The following LRRC37A2 variants were observed in gnomAD, a reference collection of about 807,000 sequenced individuals.
LRRC37A2 encodes the protein leucine rich repeat containing 37 member A2.
Under a neutral mutation model 68.8 loss-of-function variants are expected in LRRC37A2, and 9 were observed. The ratio of observed to expected loss-of-function variants is 0.13; its 90% CI spans 0.08 to 0.23. The LOEUF (loss-of-function observed/expected upper bound fraction) is 0.23, where lower values mean the gene tolerates loss of function less well. Among genes scored for constraint, LRRC37A2 ranks in the 10% least tolerant of loss-of-function variants. The pLI, the probability that LRRC37A2 is intolerant of heterozygous loss-of-function variation, is 1.00. For missense variants in LRRC37A2, 168 were observed against 950.4 expected, an observed-to-expected ratio of 0.18 and a Z score of 10.82; for synonymous variants, 63 against 367.6, an observed-to-expected ratio of 0.17 and a Z score of 9.48.
At chr17:46,723,308 A>C in the LRRC37A2 span, among the ~76,000 whole-genome samples, 1 of 152,210 alleles carries the variant, frequency 6.6e-6, no homozygotes, top group Non-Finnish European at 1.5e-5. Flanking sequence ...CTTTTAGTAG[A>C]ATTCTGAAAA....
chr17:46,785,878 T>C, the LRRC37A2 span, among the ~76,000 whole-genome samples: 1 of 152,146 alleles, frequency 6.6e-6, no homozygotes, highest in African/African-American at 2.4e-5. Flanking sequence ...GGCGGGGCAG[T>C]GCCTGGGCTG....
the LRRC37A2 span, among the ~76,000 whole-genome samples, chr17:47,002,096 G>A: frequency 2.6e-5 from 4 of 151,984 alleles, no homozygotes; most frequent in Non-Finnish European, 5.9e-5. Flanking sequence ...TTCTAGACAC[G>A]GAATCATACA....
the LRRC37A2 span, among the ~76,000 whole-genome samples, chr17:46,744,414 T>C: frequency 6.6e-6 from 1 of 152,234 alleles, no homozygotes; most frequent in Non-Finnish European, 1.5e-5. Context: ...GAGTTGCACT[T>C]TTAAACTCAC....
downstream of LRRC37A2, among the ~76,000 whole-genome samples, chr17:46,558,130 G>C (rs1312966263): frequency 7.9e-6 from 1 of 127,354 alleles, no homozygotes; most frequent in Admixed American, 7.8e-5. Context: ...CACGATCTCA[G>C]CTCACTGCAT....
chr17:46,709,881 G>A, the LRRC37A2 span, among the ~76,000 whole-genome samples: 1 of 152,094 alleles, frequency 6.6e-6, no homozygotes, highest in Non-Finnish European at 1.5e-5. Flanking sequence ...GCCATATCTA[G>A]GCCAAAGAAT....
At chr17:46,776,917 C>G in the LRRC37A2 span, among the ~76,000 whole-genome samples, 1 of 152,194 alleles carries the variant, frequency 6.6e-6, no homozygotes, top group East Asian at 1.9e-4. Context: ...TCCTTCCTCC[C>G]CCTCTCCCAG....
chr17:46,761,073 G>A, the LRRC37A2 span, among the ~76,000 whole-genome samples: 5 of 152,114 alleles, frequency 3.3e-5, no homozygotes, highest in East Asian at 3.8e-4. Context: ...ATAAAAAGTC[G>A]AAATGAAATA....
the LRRC37A2 span, among the ~76,000 whole-genome samples, chr17:46,788,008 C>A: frequency 6.6e-6 from 1 of 151,706 alleles, no homozygotes; most frequent in African/African-American, 2.4e-5. Flanking sequence ...GTGACCCCAC[C>A]TCAGTGCAGG....
chr17:46,858,320 A>G, the LRRC37A2 span, among the ~76,000 whole-genome samples: 5 of 152,202 alleles, frequency 3.3e-5, no homozygotes, highest in East Asian at 7.7e-4. Context: ...TTTCTTATTG[A>G]TGTCTTATGA....
At chr17:46,946,831 C>G in the LRRC37A2 span, among the ~76,000 whole-genome samples, 1 of 152,208 alleles carries the variant, frequency 6.6e-6, no homozygotes, top group Non-Finnish European at 1.5e-5. Flanking sequence ...CCACTGCACT[C>G]TAGCCTGGGT....
chr17:46,988,675 T>A, the LRRC37A2 span, among the ~76,000 whole-genome samples: 1 of 151,984 alleles, frequency 6.6e-6, no homozygotes, highest in Non-Finnish European at 1.5e-5. Context: ...GGGTTGAACA[T>A]GATGAGTCTG....
chr17:46,494,537 A>G, the LRRC37A2 span, among the ~76,000 whole-genome samples: 1 of 150,278 alleles, frequency 6.7e-6, no homozygotes, highest in East Asian at 1.9e-4. Context: ...AATTTCACAT[A>G]ATTTACAAAT....
At chr17:46,500,560 C>T in the LRRC37A2 span, among the ~76,000 whole-genome samples, 2 of 150,350 alleles carry the variant, frequency 1.3e-5, no homozygotes, top group Non-Finnish European at 2.9e-5. Context: ...ACTTTAATGA[C>T]CATAGAAATC....
In LRRC37A2 at chr17:46,550,772, A is replaced by ATATAAT. The variant is rs1369577509; in HGVS notation, c.4809+253_4809+254insTATAAT. Among the ~76,000 whole-genome samples, 27 of 80,986 alleles carry ATATAAT rather than the reference A, an allele frequency of 3.3e-4. 1 individual carries two copies. Among genetic ancestry groups the ATATAAT allele is most frequent in the Non-Finnish European group, 6.7e-4 (20 of 30,036 alleles). 53.1% of individuals were successfully genotyped at this position (80,986 alleles called of 152,430 possible). A position where few individuals can be genotyped will look rare whatever the true frequency, so the allele number is the denominator to read the frequency against. On this transcript the variant is annotated intron_variant, in intron 11 of 14. Coordinates refer to ENST00000576629, the Ensembl canonical transcript of LRRC37A2. ...CCCACTAGACTATTTTAAGAAGTCG[A>ATATAAT]AAATTTCTCCCACCCAAAACTATGT...
the LRRC37A2 span, among the ~76,000 whole-genome samples, chr17:46,474,289 A>C: frequency 1.0e-5 from 1 of 95,310 alleles, no homozygotes; most frequent in Non-Finnish European, 2.3e-5. Flanking sequence ...ACCTAAGTTG[A>C]TCCATCCTCC....
At chr17:46,946,915 A>G in the LRRC37A2 span, among the ~76,000 whole-genome samples, 2 of 152,196 alleles carry the variant, frequency 1.3e-5, no homozygotes, top group Non-Finnish European at 2.9e-5. Flanking sequence ...GTCAAGTGCC[A>G]AGCAAGTGGG....
At chr17:46,860,324 C>T in the LRRC37A2 span, among the ~76,000 whole-genome samples, 3 of 152,118 alleles carry the variant, frequency 2.0e-5, no homozygotes, top group African/African-American at 7.2e-5. Flanking sequence ...ATTATGTGCT[C>T]AGGTGGAAGT....
chr17:46,498,848 AAC>A, the LRRC37A2 span, among the ~76,000 whole-genome samples: 1 of 150,512 alleles, frequency 6.6e-6, no homozygotes, highest in Non-Finnish European at 1.5e-5. Flanking sequence ...CAAAAGTTAA[AAC>A]ACTGCTGAGA....
the LRRC37A2 span, among the ~76,000 whole-genome samples, chr17:46,725,723 T>C: frequency 6.6e-6 from 1 of 152,250 alleles, no homozygotes; most frequent in South Asian, 2.1e-4. Context: ...GGGTTTACTA[T>C]CTTGGTGTGC....
Sources: allele counts gnomAD v4.1 joint callset (sites outside exome capture counted in the v4.1 genomes callset), GRCh38; gene constraint gnomAD v4.1.1; transcripts MANE v1.5; gene names NCBI Gene and HGNC (gene_info 2026-07-23, HGNC 2026-07-21).